Variants in MACROD2 observed in about 807,000 individuals in gnomAD.
The protein encoded by MACROD2 is mono-ADP ribosylhydrolase 2.
In MACROD2, 36 loss-of-function variants were observed where a neutral mutation model predicts 70.4. The observed-to-expected ratio is 0.51, with a 90% CI of 0.39 to 0.68. MACROD2 has a LOEUF of 0.68. Ranked by LOEUF, MACROD2 falls within the 30% of genes least tolerant of loss-of-function variation. MACROD2 has a pLI of 0.00. For synonymous variants in MACROD2, 172 were observed against 178.8 expected, an observed-to-expected ratio of 0.96 and a Z score of 0.30; for missense variants, 496 against 538.4, an observed-to-expected ratio of 0.92 and a Z score of 0.78.
At chr20:14,098,523 G>A (rs562667667) in intron 3 of MACROD2, among the ~76,000 whole-genome samples, 1 of 152,264 alleles carries the variant, frequency 6.6e-6, no homozygotes, top group East Asian at 1.9e-4. Context: ...CATGATTTAA[G>A]AATAATTGAT....
At chr20:15,882,560 T>A (rs1179924359) in intron 9 of MACROD2, among the ~76,000 whole-genome samples, 1 of 152,080 alleles carries the variant, frequency 6.6e-6, no homozygotes, top group East Asian at 1.9e-4. Context: ...ATAAGGGAAC[T>A]GCAGAGAAAA....
intron 5 of MACROD2, among the ~76,000 whole-genome samples, chr20:14,735,228 C>T (rs901890968): frequency 6.6e-6 from 1 of 152,078 alleles, no homozygotes; most frequent in Non-Finnish European, 1.5e-5. Context: ...AAAATATTTG[C>T]CTGTCATATC....
intron 10 of MACROD2, among the ~76,000 whole-genome samples, chr20:15,909,337 T>A (rs2065197910): frequency 6.6e-6 from 1 of 152,130 alleles, no homozygotes; most frequent in Non-Finnish European, 1.5e-5. Flanking sequence ...TTCTATTGGT[T>A]GAGGTTAACA....
At chr20:14,649,406 G>C (rs1449866803) in intron 4 of MACROD2, among the ~76,000 whole-genome samples, 1 of 152,142 alleles carries the variant, frequency 6.6e-6, no homozygotes, top group Non-Finnish European at 1.5e-5. Context: ...AGCAATTTAA[G>C]TCTTCAAGGG....
intron 5 of MACROD2, among the ~76,000 whole-genome samples, chr20:14,954,769 A>G (rs2074509938): frequency 2.4e-5 from 1 of 42,366 alleles, no homozygotes; most frequent in African/African-American, 1.8e-4. Flanking sequence ...TAAATTTTAT[A>G]TAACATAAAT....
chr20:15,059,646 T>C (rs1238242876), intron 5 of MACROD2, among the ~76,000 whole-genome samples: 1 of 152,180 alleles, frequency 6.6e-6, no homozygotes, highest in Admixed American at 6.5e-5. Context: ...GCCAAATCCA[T>C]TCCAATCAGT....
intron 12 of MACROD2, among the ~76,000 whole-genome samples, chr20:15,958,504 T>C (rs1351019891): frequency 3.3e-5 from 5 of 152,172 alleles, no homozygotes; most frequent in African/African-American, 1.2e-4. Flanking sequence ...AGAACTGAAA[T>C]GGAGAAAGAG....
In MACROD2 at chr20:14,326,958, A is replaced by G; in HGVS notation, c.272-166521A>G. On this transcript the variant is annotated intron_variant, in intron 3 of 17. Transcript: ENST00000684519. This position sits in a 1 kb window ranked among gnomAD's most constrained non-coding sequence, Gnocchi z 5.5. Reference sequence around the variant, plus strand: ...ATGAAATAGTGGATATGCGATTATCATCCAAGCGTAGTTCTTCTATAGTCC... The same window carrying G: ...ATGAAATAGTGGATATGCGATTATCGTCCAAGCGTAGTTCTTCTATAGTCC... 6.2e-7 allele frequency: 1 copy of G among 1,613,762 alleles called. No individual in the cohort carries two copies. Among genetic ancestry groups the G allele is most frequent in the Non-Finnish European group, 8.5e-7 (1 of 1,179,782 alleles).
chr20:14,392,572 G>A (rs946164948), intron 3 of MACROD2, among the ~76,000 whole-genome samples: 3 of 152,226 alleles, frequency 2.0e-5, no homozygotes, highest in African/African-American at 7.2e-5. Flanking sequence ...TTTAAAGATT[G>A]TGTGAACCTA....
At chr20:15,771,353 A>AT (rs200042074) in intron 8 of MACROD2, among the ~76,000 whole-genome samples, 2,954 of 111,446 alleles carry the variant, frequency 0.027, 80 homozygotes, top group African/African-American at 0.068. Context: ...TATTATTATT[A>AT]TTTTTTTTTT....
intron 8 of MACROD2, among the ~76,000 whole-genome samples, chr20:15,556,112 T>G (rs1249415859): frequency 6.6e-6 from 1 of 152,060 alleles, no homozygotes; most frequent in Non-Finnish European, 1.5e-5. Context: ...AGAAGGAAAA[T>G]TAAAATGGGT....
At chr20:15,397,343 T>A (rs907792967) in intron 6 of MACROD2, among the ~76,000 whole-genome samples, 29 of 152,214 alleles carry the variant, frequency 1.9e-4, no homozygotes, top group African/African-American at 6.8e-4. Context: ...TTGCCAAGGC[T>A]GGAGTGCAGT....
In MACROD2 at chr20:16,001,864, T is replaced by A. The variant is rs184049860; in HGVS notation, c.1153+14706T>A. 2.1e-3 allele frequency among the ~76,000 whole-genome samples: 312 copies of A among 152,126 alleles called. 7 individuals carry two copies. Among genetic ancestry groups the A allele is most frequent in the Admixed American group, 0.018 (272 of 15,282 alleles). ...GTCATATAATTTCAATGTAAGGGAG[T>A]ACTTTTCAAAATTAATATAGTCAAT... On this transcript the variant is annotated intron_variant, in intron 15 of 17. Coordinates refer to ENST00000684519, the MANE Select transcript of MACROD2 (RefSeq NM_001351661.2).
At chr20:14,183,642 C>T (rs992422541) in intron 3 of MACROD2, among the ~76,000 whole-genome samples, 7 of 151,888 alleles carry the variant, frequency 4.6e-5, no homozygotes, top group East Asian at 3.9e-4. Flanking sequence ...CCATCCTGGA[C>T]GTATAAATTA....
intron 8 of MACROD2, among the ~76,000 whole-genome samples, chr20:15,838,321 A>G (rs948729766): frequency 2.0e-5 from 3 of 152,124 alleles, no homozygotes; most frequent in Non-Finnish European, 2.9e-5. Context: ...AGTTGCTTTT[A>G]TCCTAATAGT....
intron 5 of MACROD2, among the ~76,000 whole-genome samples, chr20:15,062,580 G>A (rs913266760): frequency 1.7e-4 from 26 of 151,572 alleles, no homozygotes; most frequent in African/African-American, 5.8e-4. Flanking sequence ...CTGTGCTCCC[G>A]AACTGAGCTA....
At chr20:14,479,415 C>A (rs1256805081) in intron 3 of MACROD2, among the ~76,000 whole-genome samples, 1 of 152,208 alleles carries the variant, frequency 6.6e-6, no homozygotes, top group East Asian at 1.9e-4. Context: ...CAGTGGGGCT[C>A]CTCTTCAATC....
At chr20:14,692,116 G>A (rs541103398) in intron 5 of MACROD2, among the ~76,000 whole-genome samples, 2 of 152,268 alleles carry the variant, frequency 1.3e-5, no homozygotes, top group East Asian at 3.9e-4. Context: ...GTGGTTCCTG[G>A]AGCAGCAGCA....
chr20:14,612,437 A>T (rs767803556), intron 4 of MACROD2, among the ~76,000 whole-genome samples: 8 of 152,136 alleles, frequency 5.3e-5, no homozygotes, highest in Non-Finnish European at 1.2e-4. Flanking sequence ...ATTGGAACAG[A>T]TATAATAATT....
Sources: allele counts gnomAD v4.1 joint callset (sites outside exome capture counted in the v4.1 genomes callset), GRCh38; gene constraint gnomAD v4.1.1; non-coding constraint Gnocchi (gnomAD v3.1); transcripts MANE v1.5; gene names NCBI Gene and HGNC (gene_info 2026-07-23, HGNC 2026-07-21).